Variants in PARD3 observed in about 807,000 individuals in gnomAD.
The protein encoded by PARD3 is partitioning defective 3 homolog.
A neutral mutation model predicts 155.4 loss-of-function variants in PARD3; 75 were observed. That is an observed-to-expected ratio of 0.48 (90% CI 0.40 to 0.58). PARD3 has a LOEUF of 0.58. Ranked by LOEUF, PARD3 falls within the 20% of genes least tolerant of loss-of-function variation. The probability of loss-of-function intolerance (pLI) is 0.00; values close to 1 mark genes in which losing one functional copy is unlikely to be tolerated. For missense variants in PARD3, 1,642 were observed against 1,721.7 expected (o/e 0.95, Z 0.82); for synonymous variants, 576 against 610.5 (o/e 0.94, Z 0.83).
At chr10:34,122,061 C>A (rs1947034932) in intron 23 of PARD3, among the ~76,000 whole-genome samples, 2 of 152,202 alleles carry the variant, frequency 1.3e-5, no homozygotes, top group Non-Finnish European at 2.9e-5. Context: ...TTGAGATAAA[C>A]CACTGGACAG....
At chr10:34,521,691 C>T (rs1348996251) in intron 2 of PARD3, among the ~76,000 whole-genome samples, 1 of 152,208 alleles carries the variant, frequency 6.6e-6, no homozygotes, top group Non-Finnish European at 1.5e-5. Flanking sequence ...CTTTCCCCTA[C>T]CTCAGGACAA....
chr10:34,694,722 G>A (rs2094134077), intron 2 of PARD3, among the ~76,000 whole-genome samples: 1 of 152,022 alleles, frequency 6.6e-6, no homozygotes, highest in South Asian at 2.1e-4. Flanking sequence ...TGACCCACAG[G>A]AGCCACATGG....
intron 2 of PARD3, among the ~76,000 whole-genome samples, chr10:34,539,336 A>C (rs558058147): frequency 6.6e-6 from 1 of 152,314 alleles, no homozygotes; most frequent in East Asian, 1.9e-4. Context: ...TAAGATATAT[A>C]AACTTACAGT....
At chr10:34,237,859 C>T (rs1953335997) in intron 22 of PARD3, among the ~76,000 whole-genome samples, 2 of 152,130 alleles carry the variant, frequency 1.3e-5, no homozygotes, top group Non-Finnish European at 2.9e-5. Context: ...TGGCTTCACA[C>T]TGGTAAATGG....
chr10:34,805,086 G>A (rs769745856), intron 1 of PARD3, among the ~76,000 whole-genome samples: 4 of 152,158 alleles, frequency 2.6e-5, no homozygotes, highest in Admixed American at 1.3e-4. Context: ...GGCTGGGCGC[G>A]GTGGCTCACG....
At position 34,382,921 on chromosome 10, in the gene PARD3, C is replaced by T; in HGVS notation, c.1018G>A (p.Ala340Thr). Residue 340 changes from alanine (A) to threonine (T), a missense_variant and splice_region_variant, in exon 9 of 25, where the codon GCA becomes ACA. Physicochemically the swap from Ala to Thr is moderately conservative, Grantham distance 58 (BLOSUM62 0). Coordinates refer to ENST00000374788, the MANE Select transcript of PARD3 (RefSeq NM_001184785.2). ...GDLRNRRFEQ[A>T]QHMFRQAMRT... ...ATGGCTTGGCGAAACATATGTTGTGCTCTGGGTTTGAGAAAGAATAGAAAA... is the reference window on the plus strand; with the variant it reads ...ATGGCTTGGCGAAACATATGTTGTGTTCTGGGTTTGAGAAAGAATAGAAAA... 1 of 1,612,524 alleles carries T rather than the reference C, an allele frequency of 6.2e-7. No individual in the cohort carries two copies. Among genetic ancestry groups the T allele is most frequent in the Non-Finnish European group, 8.5e-7 (1 of 1,179,556 alleles).
chr10:34,611,770 T>C (rs2090906783), intron 2 of PARD3, among the ~76,000 whole-genome samples: 4 of 151,572 alleles, frequency 2.6e-5, no homozygotes, highest in African/African-American at 7.3e-5. Context: ...TTCATCCACG[T>C]ACATGAAGAT....
intron 21 of PARD3, among the ~76,000 whole-genome samples, chr10:34,277,568 A>G (rs543882992): frequency 3.9e-5 from 6 of 152,310 alleles, no homozygotes; most frequent in African/African-American, 1.4e-4. Context: ...GAGCCCTGAA[A>G]AAAATTTTCT....
chr10:34,174,159 C>A (rs1949930547), intron 22 of PARD3, among the ~76,000 whole-genome samples: 1 of 152,172 alleles, frequency 6.6e-6, no homozygotes, highest in Non-Finnish European at 1.5e-5. Context: ...TACACGTGGC[C>A]AACTAGAAAC....
At chr10:34,376,641 A>C (rs572110319) in intron 10 of PARD3, among the ~76,000 whole-genome samples, 1 of 152,330 alleles carries the variant, frequency 6.6e-6, no homozygotes, top group South Asian at 2.1e-4. Flanking sequence ...TGTCACATGC[A>C]CAGGACCAAA....
intron 22 of PARD3, among the ~76,000 whole-genome samples, chr10:34,260,796 C>T (rs1052680920): frequency 6.6e-6 from 1 of 152,134 alleles, no homozygotes; most frequent in African/African-American, 2.4e-5. Context: ...TTTTCAGTAG[C>T]AAATACAACT....
chr10:34,449,609 T>C (rs2076951454), intron 5 of PARD3, among the ~76,000 whole-genome samples: 1 of 143,692 alleles, frequency 7.0e-6, no homozygotes, highest in South Asian at 2.2e-4. Context: ...AAAAAAAAAG[T>C]GGAAAAAAAA....
At chr10:34,434,782 C>T (rs578148404) in intron 5 of PARD3, among the ~76,000 whole-genome samples, 47 of 152,164 alleles carry the variant, frequency 3.1e-4, no homozygotes, top group Non-Finnish European at 5.3e-4. Flanking sequence ...AAGTAAAGAA[C>T]ACTCTAAATA....
intron 22 of PARD3, among the ~76,000 whole-genome samples, chr10:34,166,409 T>C (rs937281871): frequency 3.3e-5 from 5 of 152,086 alleles, no homozygotes; most frequent in African/African-American, 1.2e-4. Flanking sequence ...CGCCAGGAGT[T>C]CAAGACTAGC....
chr10:34,806,558 T>C (rs945988722), intron 1 of PARD3, among the ~76,000 whole-genome samples: 4 of 152,086 alleles, frequency 2.6e-5, no homozygotes, highest in Non-Finnish European at 5.9e-5. Flanking sequence ...CTTGAACTCC[T>C]GGCCTCAAGC....
chr10:34,471,854 C>T (rs998168186), intron 3 of PARD3, among the ~76,000 whole-genome samples: 3 of 152,262 alleles, frequency 2.0e-5, no homozygotes, highest in Non-Finnish European at 2.9e-5. Context: ...CCACCACGTC[C>T]GGTCTAATGA....
At chr10:34,336,163 C>T (rs1031885567) in intron 18 of PARD3, 36 bp downstream of exon 18, 13 of 1,542,172 alleles carry the variant, frequency 8.4e-6, no homozygotes, top group East Asian at 6.8e-5. Context: ...TGTGGGCCAT[C>T]GTTTCTATGG....
intron 5 of PARD3, among the ~76,000 whole-genome samples, chr10:34,412,446 T>C (rs1262925255): frequency 6.6e-6 from 1 of 152,214 alleles, no homozygotes; most frequent in African/African-American, 2.4e-5. Context: ...CACCTTCCTT[T>C]TCTCCCAGCC....
chr10:34,488,029 A>G (rs1402520702), intron 3 of PARD3, among the ~76,000 whole-genome samples: 2 of 152,116 alleles, frequency 1.3e-5, no homozygotes, highest in Admixed American at 1.3e-4. Flanking sequence ...CCTTTACTCC[A>G]CAATACTATA....
Sources: gnomAD v4.1 joint callset for allele counts (sites outside exome capture counted in the v4.1 genomes callset) on GRCh38, gnomAD v4.1.1 for gene constraint, MANE v1.5 for transcripts, NCBI Gene and HGNC (gene_info 2026-07-23, HGNC 2026-07-21) for gene names.